Variants in FABP6 observed in about 807,000 individuals in gnomAD.
FABP6 encodes fatty acid binding protein 6, also known as gastrotropin.
Under a neutral mutation model 14.9 loss-of-function variants are expected in FABP6, and 13 were observed. The ratio of observed to expected loss-of-function variants is 0.87; its 90% CI spans 0.57 to 1.39. The LOEUF (loss-of-function observed/expected upper bound fraction) is 1.39, where lower values mean the gene tolerates loss of function less well. FABP6 is among the 40% of genes most tolerant of loss of function. FABP6 has a pLI of 0.00. For missense variants in FABP6, 161 were observed against 167.2 expected, an observed-to-expected ratio of 0.96 and a Z score of 0.20; for synonymous variants, 75 against 63.6, an observed-to-expected ratio of 1.18 and a Z score of -0.85.
chr5:160,222,582 C>T (rs1235141020), intron 3 of FABP6, among the ~76,000 whole-genome samples: 1 of 152,192 alleles, frequency 6.6e-6, no homozygotes, highest in Non-Finnish European at 1.5e-5. Flanking sequence ...GATCCACCCA[C>T]CTCAGCCTCC....
intron 1 of FABP6, among the ~76,000 whole-genome samples, chr5:160,187,761 ATTTATTTT>A (rs1400249189): frequency 6.6e-6 from 1 of 151,818 alleles, no homozygotes; most frequent in African/African-American, 2.4e-5. Flanking sequence ...TTATTTATTT[ATTTATTTT>A]TTGAGACAGT....
At chr5:160,211,966 G>A (rs1023355380) in intron 2 of FABP6, among the ~76,000 whole-genome samples, 6 of 147,616 alleles carry the variant, frequency 4.1e-5, no homozygotes, top group African/African-American at 1.5e-4. Context: ...TTCATCCTGT[G>A]CCTTCCTATG....
intron 1 of FABP6, 68 bp from the exon 2 acceptor site, chr5:160,232,030 G>A: frequency 1.3e-6 from 2 of 1,562,730 alleles, no homozygotes; most frequent in South Asian, 1.2e-5. Context: ...GGGCAGGAAA[G>A]CTCTTTTCCC....
chr5:160,225,799 T>C (rs1220243173), upstream of FABP6, among the ~76,000 whole-genome samples: 1 of 152,190 alleles, frequency 6.6e-6, no homozygotes, highest in Non-Finnish European at 1.5e-5. Flanking sequence ...CGTGTGGTTA[T>C]TGTATATCTG....
At chr5:160,216,093 G>C (rs1760006848) in intron 3 of FABP6, among the ~76,000 whole-genome samples, 1 of 152,182 alleles carries the variant, frequency 6.6e-6, no homozygotes, top group Admixed American at 6.5e-5. Context: ...AGATGAGGCT[G>C]AGTAGGGGAT....
At position 160,238,621 on chromosome 5, in the gene FABP6, G is replaced by A; in HGVS notation, c.349G>A (p.Gly117Ser). 1 of 1,614,076 alleles carries A rather than the reference G, an allele frequency of 6.2e-7. No individual in the cohort carries two copies. The highest frequency in any genetic ancestry group is 8.5e-7 in the Non-Finnish European group (1 of 1,179,944). ...DKLVEVSTIG[G>S]VTYERVSKRL... is the part of the protein sequence containing the mutation. ...CTTCTTTCAGGTCTCCACCATCGGA[G>A]GCGTGACCTATGAGCGCGTGAGCAA... The change falls in exon 4 of 4, where the codon GGC (glycine) becomes AGC (serine). Residue 117 changes from glycine to serine, a missense_variant. Transcript: ENST00000402432.
chr5:160,212,569 C>T (rs1420015590), intron 2 of FABP6, among the ~76,000 whole-genome samples: 2 of 149,992 alleles, frequency 1.3e-5, no homozygotes, highest in East Asian at 2.0e-4. Context: ...CCCAGGTTCA[C>T]GCCATTCTCC....
chr5:160,214,151 C>CTTTCTTTT (rs1759962870), intron 3 of FABP6, among the ~76,000 whole-genome samples: 1 of 133,208 alleles, frequency 7.5e-6, no homozygotes, highest in African/African-American at 2.9e-5. Flanking sequence ...TTCTTTCTTT[C>CTTTCTTTT]TTTCTTTCCT....
intron 3 of FABP6, among the ~76,000 whole-genome samples, chr5:160,221,476 C>T (rs1339478398): frequency 6.6e-6 from 1 of 152,188 alleles, no homozygotes; most frequent in Non-Finnish European, 1.5e-5. Flanking sequence ...AGACGAGAGA[C>T]CCCAGAAGAC....
intron 2 of FABP6, among the ~76,000 whole-genome samples, chr5:160,233,567 GC>G (rs1278530002): frequency 6.6e-6 from 1 of 152,056 alleles, no homozygotes; most frequent in Non-Finnish European, 1.5e-5. Context: ...GCAGTCATTT[GC>G]TTTTGTTTTA....
chr5:160,237,960 G>C (rs978747682), intron 3 of FABP6, among the ~76,000 whole-genome samples: 4 of 152,106 alleles, frequency 2.6e-5, no homozygotes, highest in Non-Finnish European at 4.4e-5. Context: ...CTCTCCCACA[G>C]CTCTCTGTTT....
In FABP6 at chr5:160,238,651, C is replaced by A. The variant is rs549172783; in HGVS notation, c.379C>A (p.Leu127Met). The A allele has an allele frequency of 1.2e-6, 2 of 1,613,956 alleles. No individual in the cohort carries two copies. Among genetic ancestry groups the A allele is most frequent in the East Asian group, 4.5e-5 (2 of 44,876 alleles). The change falls in exon 4 of 4, where the codon CTG (leucine) becomes ATG (methionine). Residue 127 changes from leucine to methionine, a missense_variant. By Grantham distance (15) the Leu-to-Met change is conservative. Transcript: ENST00000402432. ...GACCTATGAGCGCGTGAGCAAGAGA[C>A]TGGCCTAAGCAGCCAGGCCCGGCCC... ...GVTYERVSKR[L>M]A
At chr5:160,232,437 G>T (rs970390940) in intron 2 of FABP6, among the ~76,000 whole-genome samples, 164 bp downstream of exon 2, 3 of 152,140 alleles carry the variant, frequency 2.0e-5, no homozygotes, top group Non-Finnish European at 4.4e-5. Flanking sequence ...ATTTTTAATG[G>T]TCAAACATGG....
chr5:160,219,295 GC>G (rs1437789322), intron 3 of FABP6, among the ~76,000 whole-genome samples: 1 of 152,206 alleles, frequency 6.6e-6, no homozygotes, highest in Non-Finnish European at 1.5e-5. Context: ...AATAATGGTA[GC>G]TGGCTGAGGC....
intron 2 of FABP6, among the ~76,000 whole-genome samples, chr5:160,210,676 C>A (rs903119426): frequency 6.6e-6 from 1 of 152,224 alleles, no homozygotes; most frequent in Non-Finnish European, 1.5e-5. Context: ...GGAGCAGCCA[C>A]GTCTCAGCCT....
chr5:160,219,192 G>A (rs569670413), intron 3 of FABP6, among the ~76,000 whole-genome samples: 1 of 152,238 alleles, frequency 6.6e-6, no homozygotes, highest in South Asian at 2.1e-4. Context: ...AAGGTCCTGG[G>A]GATGGAGAGA....
At chr5:160,212,491 C>T (rs1049431853) in intron 2 of FABP6, among the ~76,000 whole-genome samples, 10 of 150,866 alleles carry the variant, frequency 6.6e-5, no homozygotes, top group Admixed American at 2.6e-4. Context: ...TTTTTGGAGA[C>T]GGAGTCTCAC....
chr5:160,237,638 C>G (rs1278981649), intron 3 of FABP6, among the ~76,000 whole-genome samples: 1 of 152,082 alleles, frequency 6.6e-6, no homozygotes, highest in East Asian at 1.9e-4. Context: ...CACCTTCCAT[C>G]CATCCCATAT....
intron 1 of FABP6, among the ~76,000 whole-genome samples, chr5:160,189,008 C>T (rs1250616752): frequency 6.6e-6 from 1 of 152,028 alleles, no homozygotes; most frequent in African/African-American, 2.4e-5. Flanking sequence ...TCCTTCTTTC[C>T]TTTTTACATC....
Sources: allele counts gnomAD v4.1 joint callset (sites outside exome capture counted in the v4.1 genomes callset), GRCh38; gene constraint gnomAD v4.1.1; transcripts MANE v1.5; gene names NCBI Gene and HGNC (gene_info 2026-07-23, HGNC 2026-07-21).